SCUBE1: variants seen among roughly 807,000 people sequenced by gnomAD.
The protein encoded by SCUBE1 is signal peptide, CUB and EGF-like domain-containing protein 1.
Under a neutral mutation model 124.4 loss-of-function variants are expected in SCUBE1, and 59 were observed. That is an observed-to-expected ratio of 0.47 (90% CI 0.38 to 0.59). The LOEUF is 0.59. SCUBE1 is among the 20% of genes least tolerant of loss of function. SCUBE1 has a pLI of 0.00. For missense variants in SCUBE1, 1,150 were observed against 1,371.2 expected (o/e 0.84, Z 2.55); for synonymous variants, 545 against 550.9 (o/e 0.99, Z 0.15).
chr22:43,242,320 C>T (rs905568912), intron 6 of SCUBE1, among the ~76,000 whole-genome samples: 1 of 152,244 alleles, frequency 6.6e-6, no homozygotes, highest in Admixed American at 6.5e-5. Context: ...AGCCTCACTC[C>T]TCCTGTTCCT....
chr22:43,208,282 G>C, intron 19 of SCUBE1, 58 bp from the exon 20 acceptor site: 1 of 1,557,784 alleles, frequency 6.4e-7, no homozygotes, highest in Admixed American at 1.7e-5. Flanking sequence ...CCTGCCCTAG[G>C]CCACTCGCCT....
chr22:43,263,777 T>A (rs1923961147), intron 4 of SCUBE1, among the ~76,000 whole-genome samples: 1 of 152,174 alleles, frequency 6.6e-6, no homozygotes, highest in Non-Finnish European at 1.5e-5. Context: ...TAACTCCTGG[T>A]TTCACCTGAT....
Position 43,321,679 on chromosome 22 carries a change from C to T in SCUBE1, c.221-1614G>A, listed in dbSNP as rs191936785. ...ACCAAAGGATCAAGAGATAGAAGTCCTCTCCTAATCTGCCTATAGGGGCAC... is the reference window on the plus strand; with the variant it reads ...ACCAAAGGATCAAGAGATAGAAGTCTTCTCCTAATCTGCCTATAGGGGCAC... On this transcript the variant is annotated intron_variant, in intron 2 of 21. Coordinates refer to ENST00000360835, the MANE Select transcript of SCUBE1 (RefSeq NM_173050.5). Among the ~76,000 whole-genome samples, 5 of 152,346 alleles carry T rather than the reference C, an allele frequency of 3.3e-5. No individual in the cohort carries two copies. In the East Asian group the frequency reaches 9.6e-4, roughly 29 times the overall value.
chr22:43,286,624 C>T (rs1925155572), intron 4 of SCUBE1, among the ~76,000 whole-genome samples: 1 of 152,220 alleles, frequency 6.6e-6, no homozygotes, highest in South Asian at 2.1e-4. Context: ...AGACCAAAGC[C>T]ATAGAATCCC....
At chr22:43,314,871 C>T (rs932141632) in intron 3 of SCUBE1, among the ~76,000 whole-genome samples, 3 of 152,150 alleles carry the variant, frequency 2.0e-5, no homozygotes, top group African/African-American at 7.2e-5. Context: ...GTAGAAGAGG[C>T]AGAGTCATTC....
intron 3 of SCUBE1, among the ~76,000 whole-genome samples, chr22:43,293,060 C>G (rs560751257): frequency 2.0e-5 from 3 of 152,220 alleles, no homozygotes; most frequent in Non-Finnish European, 4.4e-5. Context: ...GCCCAGTGCC[C>G]ATGCCACCTT....
chr22:43,317,401 G>A (rs148926238), intron 3 of SCUBE1, among the ~76,000 whole-genome samples: 1 of 152,324 alleles, frequency 6.6e-6, no homozygotes, highest in African/African-American at 2.4e-5. Flanking sequence ...GATAGTAACA[G>A]TTCTCGGCTG....
chr22:43,222,722 G>A lies in SCUBE1; in HGVS notation c.1348C>T (p.Leu450=). Residue 450 remains leucine, a synonymous_variant, in exon 12 of 22, where the codon CTG becomes TTG. Coordinates refer to ENST00000360835, the MANE Select transcript of SCUBE1 (RefSeq NM_173050.5). ...TGCGGCCCTGGAACTCCGCAGCTCA[G>A]GACGTAGCTATTTTCCGAGTCTGCA... The part of the protein sequence containing the change: ...FVPDSENSYV[L]SCGVPGPQGK... 6.2e-7 allele frequency: 1 copy of A among 1,603,918 alleles called. No homozygotes were observed. Among genetic ancestry groups the A allele is most frequent in the East Asian group, 2.2e-5 (1 of 44,536 alleles).
chr22:43,302,805 ACAAATCATGGAAC>A (rs1449426167), intron 3 of SCUBE1, among the ~76,000 whole-genome samples: 2 of 152,208 alleles, frequency 1.3e-5, no homozygotes, highest in African/African-American at 4.8e-5. Flanking sequence ...AACCAAACAA[ACAAATCATGGAAC>A]CAAAGCGAGA....
intron 2 of SCUBE1, among the ~76,000 whole-genome samples, chr22:43,320,536 T>C (rs1171274863): frequency 6.6e-6 from 1 of 152,178 alleles, no homozygotes; most frequent in Non-Finnish European, 1.5e-5. Flanking sequence ...GGTCACCCTT[T>C]TTGCTGTTTT....
At chr22:43,243,406 G>T (rs550697159) in intron 6 of SCUBE1, among the ~76,000 whole-genome samples, 41 of 152,242 alleles carry the variant, frequency 2.7e-4, no homozygotes, top group Non-Finnish European at 5.1e-4. Context: ...AAAAGGTCTG[G>T]CCTTTGGTCT....
At chr22:43,301,217 G>A (rs1002755252) in intron 3 of SCUBE1, among the ~76,000 whole-genome samples, 1 of 152,030 alleles carries the variant, frequency 6.6e-6, no homozygotes, top group Non-Finnish European at 1.5e-5. Context: ...TGGGCCAGTC[G>A]CCCTCGTCTC....
At chr22:43,239,689 C>T (rs979802712) in intron 6 of SCUBE1, among the ~76,000 whole-genome samples, 2 of 152,258 alleles carry the variant, frequency 1.3e-5, no homozygotes, top group African/African-American at 4.8e-5. Flanking sequence ...CACCAGGATG[C>T]TGGGGGCTGG....
At chr22:43,212,333 T>G in intron 17 of SCUBE1, 92 bp downstream of exon 17, 42 of 1,344,432 alleles carry the variant, frequency 3.1e-5, no homozygotes, top group Non-Finnish European at 3.8e-5. Flanking sequence ...GTTCGCCACA[T>G]GGAGGAGATG....
intron 15 of SCUBE1, among the ~76,000 whole-genome samples, chr22:43,216,156 C>T (rs552197729): frequency 6.6e-6 from 1 of 151,922 alleles, no homozygotes; most frequent in East Asian, 2.0e-4. Flanking sequence ...AAGTGACTCT[C>T]CTGTCTCAGC....
In SCUBE1 at chr22:43,199,007, G is replaced by A. The variant is rs531168723; in HGVS notation, c.*4990C>T. The A allele has an allele frequency of 7.1e-4, 238 of 337,384 alleles. 5 individuals are homozygous for A. The Middle Eastern group carries it at 0.011, about 15-fold the overall frequency. 20.9% of individuals were successfully genotyped at this position (337,384 alleles called of 1,614,324 possible). ...CAACGTGTCTGTCTGTCTGCTGTCC[G>A]GGGCAGTGTGTCTGTTTGTCTCTCT... On this transcript the variant is annotated 3_prime_UTR_variant, in exon 22 of 22. Transcript: ENST00000360835.
chr22:43,336,076 G>A (rs911899960), intron 2 of SCUBE1, among the ~76,000 whole-genome samples: 3 of 152,130 alleles, frequency 2.0e-5, no homozygotes, highest in Non-Finnish European at 1.5e-5. Flanking sequence ...CACACTCTAC[G>A]GAATGAGTGC....
intron 9 of SCUBE1, among the ~76,000 whole-genome samples, chr22:43,228,347 G>T (rs1922409803): frequency 6.6e-6 from 1 of 152,176 alleles, no homozygotes; most frequent in African/African-American, 2.4e-5. Context: ...CTCCAGCAGT[G>T]CATGCTCCCA....
At chr22:43,219,085 T>C (rs895386382) in intron 14 of SCUBE1, among the ~76,000 whole-genome samples, 9 of 152,174 alleles carry the variant, frequency 5.9e-5, no homozygotes, top group African/African-American at 1.9e-4. Context: ...CCTGATATGG[T>C]TTCAATATTT....
Sources: allele counts gnomAD v4.1 joint callset (sites outside exome capture counted in the v4.1 genomes callset), GRCh38; gene constraint gnomAD v4.1.1; transcripts MANE v1.5; gene names NCBI Gene and HGNC (gene_info 2026-07-23, HGNC 2026-07-21).